The following MYOF variants were observed in gnomAD, a reference collection of about 807,000 sequenced individuals.
MYOF encodes fer-1-like 3, myoferlin.
A neutral mutation model predicts 284.2 loss-of-function variants in MYOF; 244 were observed. The ratio of observed to expected loss-of-function variants is 0.86; its 90% CI spans 0.77 to 0.95. The LOEUF (loss-of-function observed/expected upper bound fraction) is 0.95. Ranked by LOEUF, MYOF falls within the 40% of genes least tolerant of loss-of-function variation. MYOF has a pLI of 0.00. For synonymous variants in MYOF, 904 were observed against 919.7 expected, an observed-to-expected ratio of 0.98 and a Z score of 0.31; for missense variants, 2,496 against 2,560.6, an observed-to-expected ratio of 0.97 and a Z score of 0.54.
In MYOF at chr10:93,333,815, C is replaced by G; in HGVS notation, c.4662G>C (p.Thr1554=). The change falls in exon 42 of 54, where the codon ACG becomes ACC. Residue 1554 remains threonine, a synonymous_variant. Transcript: ENST00000359263. ...AGCCTCGAACAATGTAAATCCTAAC[C>G]GTGCATTCCTGTGGGACGCTGTCAG... The part of the protein sequence containing the change: ...ELPDSVPQEC[T]VRIYIVRGLE... 1 of 1,614,170 alleles carries G rather than the reference C, an allele frequency of 6.2e-7. No individual in the cohort carries two copies. The highest frequency in any genetic ancestry group is 2.2e-5 in the East Asian group (1 of 44,878).
At chr10:93,453,386 G>C (rs192423430) in intron 2 of MYOF, among the ~76,000 whole-genome samples, 1 of 151,238 alleles carries the variant, frequency 6.6e-6, no homozygotes, top group Non-Finnish European at 1.5e-5. Context: ...GGCTGGTCTC[G>C]AACTCCTGAC....
intron 26 of MYOF, among the ~76,000 whole-genome samples, chr10:93,365,705 G>C (rs185196436): frequency 6.6e-6 from 1 of 152,128 alleles, no homozygotes; most frequent in Non-Finnish European, 1.5e-5. Flanking sequence ...GTGTTTCTGC[G>C]CATCTTGTGA....
chr10:93,475,684 A>C (rs2057244195), intron 1 of MYOF, among the ~76,000 whole-genome samples: 1 of 152,196 alleles, frequency 6.6e-6, no homozygotes, highest in African/African-American at 2.4e-5. Context: ...GTTGCAGAGG[A>C]TATAACAATC....
At chr10:93,326,262 C>T (rs1048838554) in intron 45 of MYOF, among the ~76,000 whole-genome samples, 1 of 152,222 alleles carries the variant, frequency 6.6e-6, no homozygotes. Context: ...CATGGCCTGC[C>T]TGTTTCTCAG....
At position 93,408,728 on chromosome 10, in the gene MYOF, C is replaced by T. The variant is rs1479754489; in HGVS notation, c.729+59G>A. ...GGTGTCTTCACCAGTGAAGCTGCTCCCGTGTTTCCCTCCCCAGTGGGACTC... is the reference window on the plus strand; with the variant it reads ...GGTGTCTTCACCAGTGAAGCTGCTCTCGTGTTTCCCTCCCCAGTGGGACTC... On this transcript the variant is annotated intron_variant, in intron 7 of 53. Coordinates refer to ENST00000359263, the MANE Select transcript of MYOF (RefSeq NM_013451.4). The T allele has an allele frequency of 2.5e-5, 40 of 1,606,920 alleles. No individual in the cohort carries two copies. In the East Asian group the frequency reaches 2.9e-4, roughly 12 times the overall value.
chr10:93,386,113 G>C (rs1564671886), intron 19 of MYOF, among the ~76,000 whole-genome samples: 1 of 152,130 alleles, frequency 6.6e-6, no homozygotes, highest in Non-Finnish European at 1.5e-5. Flanking sequence ...TGGCATTTCT[G>C]AATAACCCTG....
chr10:93,451,059 G>C (rs1465749999), intron 3 of MYOF, among the ~76,000 whole-genome samples: 1 of 152,174 alleles, frequency 6.6e-6, no homozygotes, highest in Non-Finnish European at 1.5e-5. Context: ...ATTAGTATCA[G>C]CTGGGCACGG....
chr10:93,446,984 T>G (rs899169540), intron 3 of MYOF, among the ~76,000 whole-genome samples: 1 of 152,176 alleles, frequency 6.6e-6, no homozygotes, highest in Non-Finnish European at 1.5e-5. Flanking sequence ...CCCAAAGTGC[T>G]GACATCACAG....
chr10:93,343,851 C>A lies in MYOF; in HGVS notation c.4326+5G>T, dbSNP rs1472441202. 1 of 1,614,126 alleles carries A rather than the reference C, an allele frequency of 6.2e-7. No homozygotes were observed. The highest frequency in any genetic ancestry group is 8.5e-7 in the Non-Finnish European group (1 of 1,179,962). ...CAGCATCCACTGATCAGCTCTGAAG[C>A]CTACCTTAGAAGCCAGTAATGGTTT... is the stretch of plus-strand genomic sequence containing the variant. On this transcript the variant is annotated splice_donor_5th_base_variant and intron_variant, in intron 38 of 53. Transcript: ENST00000359263.
chr10:93,404,019 T>C lies in MYOF; in HGVS notation c.843+4A>G, dbSNP rs754753142. 6.2e-7 allele frequency: 1 copy of C among 1,613,730 alleles called. No individual in the cohort carries two copies. Among genetic ancestry groups the C allele is most frequent in the East Asian group, 2.2e-5 (1 of 44,874 alleles). ...GTTGAATGAAGCAGACTGTTGTCAC[T>C]CACCTTAAATTCCCCCATCAGACAA... On this transcript the variant is annotated splice_donor_region_variant and intron_variant, in intron 9 of 53. Coordinates refer to ENST00000359263, the MANE Select transcript of MYOF (RefSeq NM_013451.4).
At chr10:93,401,595 A>G (rs1220593233) in intron 11 of MYOF, 51 bp from the exon 12 acceptor site, 1 of 1,592,678 alleles carries the variant, frequency 6.3e-7, no homozygotes, top group Non-Finnish European at 8.6e-7. Flanking sequence ...CAGCACTTGG[A>G]AAAAGCCAAA....
chr10:93,393,418 G>A (rs1846799229), intron 16 of MYOF, among the ~76,000 whole-genome samples: 1 of 152,086 alleles, frequency 6.6e-6, no homozygotes, highest in Admixed American at 6.6e-5. Flanking sequence ...CGGGGGGAGG[G>A]CGATGTTGAC....
At chr10:93,414,086 C>T (rs1457776687) in intron 5 of MYOF, among the ~76,000 whole-genome samples, 1 of 152,220 alleles carries the variant, frequency 6.6e-6, no homozygotes, top group Non-Finnish European at 1.5e-5. Context: ...CAGAGACGTT[C>T]TCTCTCTGAA....
At chr10:93,352,214 A>C (rs1175904321) in intron 32 of MYOF, among the ~76,000 whole-genome samples, 1 of 152,224 alleles carries the variant, frequency 6.6e-6, no homozygotes, top group Non-Finnish European at 1.5e-5. Context: ...CTTTGAGGGA[A>C]AAAATAATCT....
chr10:93,322,334 G>A (rs1842877240), intron 48 of MYOF, among the ~76,000 whole-genome samples: 1 of 152,144 alleles, frequency 6.6e-6, no homozygotes. Flanking sequence ...TAAATGCTTT[G>A]GATAACTGGA....
At chr10:93,475,963 C>G (rs2057250975) in intron 1 of MYOF, among the ~76,000 whole-genome samples, 1 of 152,184 alleles carries the variant, frequency 6.6e-6, no homozygotes, top group African/African-American at 2.4e-5. Context: ...GGGCCACTTT[C>G]CTTAGGCAGT....
chr10:93,407,336 G>A (rs1554856010), intron 7 of MYOF, among the ~76,000 whole-genome samples: 1 of 149,220 alleles, frequency 6.7e-6, no homozygotes, highest in Non-Finnish European at 1.5e-5. Context: ...TGAGGTGAGA[G>A]AGGATTGCCT....
At position 93,349,807 on chromosome 10, in the gene MYOF, C is replaced by G; in HGVS notation, c.4083+1G>C. ...GTGATCACAGAGAATCGATACTGTACCACTTTCATGAAGAGAACAGAACTT... is the reference window on the plus strand; with the variant it reads ...GTGATCACAGAGAATCGATACTGTAGCACTTTCATGAAGAGAACAGAACTT... On this transcript the variant is annotated splice_donor_variant, in intron 36 of 53. Transcript: ENST00000359263. LOFTEE classifies it high-confidence loss of function. The G allele has an allele frequency of 6.2e-7, 1 of 1,613,856 alleles. No individual in the cohort carries two copies. The highest frequency in any genetic ancestry group is 1.1e-5 in the South Asian group (1 of 91,048).
intron 1 of MYOF, among the ~76,000 whole-genome samples, chr10:93,460,760 C>T (rs1161170709): frequency 3.6e-5 from 4 of 111,522 alleles, no homozygotes; most frequent in African/African-American, 1.3e-4. Flanking sequence ...GAGCAAGACC[C>T]CATCTCCAAA....
Sources: gnomAD v4.1 joint callset for allele counts (sites outside exome capture counted in the v4.1 genomes callset) on GRCh38, gnomAD v4.1.1 for gene constraint, MANE v1.5 for transcripts, NCBI Gene and HGNC (gene_info 2026-07-23, HGNC 2026-07-21) for gene names.